The following GYG1 variants were observed in gnomAD, a reference collection of about 807,000 sequenced individuals.
The protein encoded by GYG1 is glycogenin 1.
A neutral mutation model predicts 41.9 loss-of-function variants in GYG1; 44 were observed. The observed-to-expected ratio is 1.05, with a 90% CI of 0.83 to 1.35. The LOEUF (loss-of-function observed/expected upper bound fraction) is 1.35, where lower values mean the gene tolerates loss of function less well. Among genes scored for constraint, GYG1 ranks in the 40% most tolerant of loss-of-function variants. The probability of loss-of-function intolerance (pLI) is 0.00; values close to 1 mark genes in which losing one functional copy is unlikely to be tolerated. For synonymous variants in GYG1, 141 were observed against 158.1 expected (o/e 0.89, Z 0.81); for missense variants, 429 against 418.9 (o/e 1.02, Z -0.21).
rs970501404 is a variant in GYG1 at position 149,029,802 on chromosome 3, C to G, written c.*2869C>G. On this transcript the variant is annotated 3_prime_UTR_variant, in exon 8 of 8. Transcript: ENST00000345003. ...AATTCTAGAGCTGTAATTTTAAGGA[C>G]AAAATGTACAATGATTGATTAAGAG... Among the ~76,000 whole-genome samples, 31 of 152,236 alleles carry G rather than the reference C, an allele frequency of 2.0e-4. No homozygotes were observed. Among genetic ancestry groups the G allele is most frequent in the Middle Eastern group, 6.8e-3 (2 of 292 alleles).
Position 148,997,052 on chromosome 3 carries a change from TA to T in GYG1, c.481+149del, listed in dbSNP as rs541095432. ...TTTTAAGTTGTGCTCTTCTGGGAAA[TA>T]TTGTGTGTGTGTGTGTGTGTGTGTG... is the stretch of plus-strand genomic sequence containing the variant. On this transcript the variant is annotated intron_variant, in intron 4 of 7. Coordinates refer to ENST00000345003, the MANE Select transcript of GYG1 (RefSeq NM_004130.4). The T allele has an allele frequency of 1.4e-3, 899 of 623,196 alleles. 6 individuals carry two copies. In the African/African-American group the frequency reaches 0.021, roughly 15 times the overall value. 38.6% of individuals were successfully genotyped at this position (623,196 alleles called of 1,614,324 possible).
At position 148,996,641 on chromosome 3, in the gene GYG1, C is replaced by G. The variant is rs1038424722; in HGVS notation, c.319-101C>G. 8 of 1,278,950 alleles carry G rather than the reference C, an allele frequency of 6.3e-6. No individual in the cohort carries two copies. The South Asian group carries it at 8.4e-5, about 13-fold the overall frequency. The allele number at this position is 1,278,950 out of a possible 1,614,324, so 79.2% of individuals were successfully genotyped here. On this transcript the variant is annotated intron_variant, in intron 3 of 7. Coordinates refer to ENST00000345003, the MANE Select transcript of GYG1 (RefSeq NM_004130.4). The stretch of plus-strand genomic sequence containing the variant: ...AGGAGAGGAGGCCCAGGCTGCCTTA[C>G]AGCTGTCACCATCTTTTGTGTTGGA...
Position 149,028,351 on chromosome 3 carries a change from A to G in GYG1, c.*1418A>G, listed in dbSNP as rs934558447. ...GAGGATTTACCTAGAATTATAAAAT[A>G]TTAAATGATAAATGACTTCTGAAAC... On this transcript the variant is annotated 3_prime_UTR_variant, in exon 8 of 8. Coordinates refer to ENST00000345003, the MANE Select transcript of GYG1 (RefSeq NM_004130.4). Among the ~76,000 whole-genome samples the G allele has an allele frequency of 2.6e-5, 4 of 152,234 alleles. No individual in the cohort carries two copies. The East Asian group carries it at 7.7e-4, about 29-fold the overall frequency.
Position 149,027,604 on chromosome 3 carries a change from G to T in GYG1, c.*671G>T, listed in dbSNP as rs1714726797. 1 of 152,582 alleles carries T rather than the reference G, an allele frequency of 6.6e-6. No individual in the cohort carries two copies. The highest frequency in any genetic ancestry group is 2.4e-5 in the African/African-American group (1 of 41,442). The allele number at this position is 152,582 out of a possible 1,614,324, so 9.5% of individuals were successfully genotyped here. A position where few individuals can be genotyped will look rare whatever the true frequency, so the allele number is the denominator to read the frequency against. On this transcript the variant is annotated 3_prime_UTR_variant, in exon 8 of 8. Coordinates refer to ENST00000345003, the MANE Select transcript of GYG1 (RefSeq NM_004130.4). ...TGATGGTTACCTGCAGTGGCACCCT[G>T]TACAAAAAATAAAAGACTTATTGCT...
rs1271327847 is a variant in GYG1, at chr3:149,026,833, C to T, written c.953C>T (p.Ser318Leu). The T allele has an allele frequency of 6.8e-6, 11 of 1,613,896 alleles. No homozygotes were observed. The highest frequency in any genetic ancestry group is 2.2e-5 in the East Asian group (1 of 44,872). The stretch of plus-strand genomic sequence containing the variant: ...GCTATGGCACAGCCGTTTGTATCCT[C>T]GGAAGAACGGAAGGAACGATGGGAA... ...IPAMAQPFVS[S>L]EERKERWEQG... The change falls in exon 8 of 8, where the codon TCG becomes TTG. Residue 318 changes from serine (S) to leucine (L), a missense_variant. Coordinates refer to ENST00000345003, the MANE Select transcript of GYG1 (RefSeq NM_004130.4).
intron 4 of GYG1, among the ~76,000 whole-genome samples, chr3:149,003,168 T>A (rs1162536049): frequency 6.7e-6 from 1 of 149,736 alleles, no homozygotes; most frequent in Non-Finnish European, 1.5e-5. Flanking sequence ...CAGGCTGGAG[T>A]GCAATGGTGC....
At chr3:149,022,498 C>CTTTTTTTTTT (rs71617495) in intron 5 of GYG1, among the ~76,000 whole-genome samples, 1,300 of 69,516 alleles carry the variant, frequency 0.019, 96 homozygotes, top group Non-Finnish European at 0.023. Context: ...CTTGTTTTGC[C>CTTTTTTTTTT]TTTTTTTTTT....
chr3:149,007,752 T>G (rs1247227142), intron 4 of GYG1, among the ~76,000 whole-genome samples: 1 of 152,336 alleles, frequency 6.6e-6, no homozygotes, highest in Admixed American at 6.5e-5. Context: ...GCAGTATTCC[T>G]GCCTGATGCT....
chr3:149,023,494 C>T (rs1714478113), intron 5 of GYG1, among the ~76,000 whole-genome samples: 1 of 152,198 alleles, frequency 6.6e-6, no homozygotes, highest in Non-Finnish European at 1.5e-5. Flanking sequence ...GATTGTACAG[C>T]ATGAGCATTT....
At chr3:149,004,491 C>T (rs559256704) in intron 4 of GYG1, among the ~76,000 whole-genome samples, 38 of 152,146 alleles carry the variant, frequency 2.5e-4, no homozygotes, top group African/African-American at 8.7e-4. Context: ...ATAGATTTTT[C>T]TGATGACGTT....
chr3:149,020,419 C>T (rs1185830463), intron 5 of GYG1, among the ~76,000 whole-genome samples: 3 of 152,266 alleles, frequency 2.0e-5, no homozygotes, highest in Non-Finnish European at 4.4e-5. Context: ...GGCTAAGAGC[C>T]TTGGCTCTGC....
chr3:149,024,416 G>C, intron 6 of GYG1, 144 bp downstream of exon 6: 1 of 672,884 alleles, frequency 1.5e-6, no homozygotes, highest in South Asian at 1.7e-5. Flanking sequence ...ACCATCTTAG[G>C]AGAAACATTA....
intron 4 of GYG1, chr3:149,009,032 A>AC (rs1713566596): frequency 2.3e-6 from 1 of 427,512 alleles, no homozygotes; most frequent in African/African-American, 2.0e-5. Context: ...GGTGGCATGC[A>AC]CCTGTAGTCC....
chr3:149,017,261 C>T (rs927976019), intron 5 of GYG1, among the ~76,000 whole-genome samples: 2 of 152,108 alleles, frequency 1.3e-5, no homozygotes, highest in East Asian at 1.9e-4. Flanking sequence ...GTGATCTGGA[C>T]GACCCTTTTG....
Position 149,030,107 on chromosome 3 carries a change from T to C in GYG1, c.*3174T>C, listed in dbSNP as rs539095973. 1 of 152,328 alleles carries C rather than the reference T, an allele frequency of 6.6e-6. No individual in the cohort carries two copies. The highest frequency in any genetic ancestry group is 1.9e-4 in the East Asian group (1 of 5,190). 9.4% of individuals were successfully genotyped at this position (152,328 alleles called of 1,614,324 possible). A position where few individuals can be genotyped will look rare whatever the true frequency, so the allele number is the denominator to read the frequency against. On this transcript the variant is annotated 3_prime_UTR_variant, in exon 8 of 8. Coordinates refer to ENST00000345003, the MANE Select transcript of GYG1 (RefSeq NM_004130.4). ...TTATTTGAAGATAAAGTCAAAATTA[T>C]GGCACCGAGGAAGGTAATAAACATT...
chr3:148,993,486 G>A (rs912216855), intron 1 of GYG1, among the ~76,000 whole-genome samples: 1 of 152,160 alleles, frequency 6.6e-6, no homozygotes, highest in African/African-American at 2.4e-5. Flanking sequence ...TACTTGAGGA[G>A]AGACTCAATG....
intron 1 of GYG1, among the ~76,000 whole-genome samples, chr3:148,993,642 T>TA (rs887884084): frequency 6.6e-6 from 1 of 152,090 alleles, no homozygotes; most frequent in Admixed American, 6.5e-5. Flanking sequence ...GACCCTGTCT[T>TA]AAAAAATACA....
chr3:149,020,549 G>A (rs1714313022), intron 5 of GYG1, among the ~76,000 whole-genome samples: 1 of 152,218 alleles, frequency 6.6e-6, no homozygotes. Context: ...GATTAACTGA[G>A]TAAACCAAGC....
chr3:149,002,685 A>G (rs887029395), intron 4 of GYG1, among the ~76,000 whole-genome samples: 1 of 152,180 alleles, frequency 6.6e-6, no homozygotes, highest in African/African-American at 2.4e-5. Context: ...CACTATAGGC[A>G]GTAATGATTA....
Sources: allele counts gnomAD v4.1 joint callset (sites outside exome capture counted in the v4.1 genomes callset), GRCh38; gene constraint gnomAD v4.1.1; transcripts MANE v1.5; gene names NCBI Gene and HGNC (gene_info 2026-07-23, HGNC 2026-07-21).